The following KALRN variants were observed in gnomAD, a reference collection of about 807,000 sequenced individuals.
KALRN encodes kalirin RhoGEF kinase, also known as kalirin.
KALRN carries 70 observed loss-of-function variants against 353.7 expected under a neutral mutation model. The ratio of observed to expected loss-of-function variants is 0.20; its 90% CI spans 0.16 to 0.24. The LOEUF (loss-of-function observed/expected upper bound fraction) is 0.24. Ranked by LOEUF, KALRN falls within the 10% of genes least tolerant of loss-of-function variation. The probability of loss-of-function intolerance (pLI) is 1.00; values close to 1 mark genes in which losing one functional copy is unlikely to be tolerated. For synonymous variants in KALRN, 1,391 were observed against 1,434.8 expected (o/e 0.97, Z 0.69); for missense variants, 2,791 against 3,756.7 (o/e 0.74, Z 6.72).
In KALRN at chr3:124,603,074, G is replaced by A. The variant is rs552347694; in HGVS notation, c.5183-29346G>A. ...ACTTCCAGAAGCAGCCTTTTCTTGT[G>A]GGGTATTATTTTTATTTGCATATGT... On this transcript the variant is annotated intron_variant, in intron 34 of 59. Coordinates refer to ENST00000682506, the MANE Select transcript of KALRN (RefSeq NM_001388419.1). Among the ~76,000 whole-genome samples the A allele has an allele frequency of 6.8e-4, 104 of 152,154 alleles. 1 individual carries two copies. The highest frequency in any genetic ancestry group is 1.8e-4 in the Non-Finnish European group (12 of 68,010).
At chr3:124,440,006 A>G (rs1362448825) in intron 18 of KALRN, among the ~76,000 whole-genome samples, 13 of 152,116 alleles carry the variant, frequency 8.5e-5, no homozygotes, top group Admixed American at 8.5e-4. Context: ...TTCTTTTATT[A>G]GGGATTTTCT....
intron 57 of KALRN, among the ~76,000 whole-genome samples, chr3:124,707,454 C>G (rs1263019592): frequency 6.6e-6 from 1 of 151,050 alleles, no homozygotes; most frequent in Non-Finnish European, 1.5e-5. Context: ...TCCCTCCTTC[C>G]TTCCTTCCCT....
At chr3:124,368,739 G>A (rs1191646272) in intron 10 of KALRN, among the ~76,000 whole-genome samples, 198 of 150,272 alleles carry the variant, frequency 1.3e-3, no homozygotes, top group Non-Finnish European at 2.4e-3. Context: ...GTAGTGAGCC[G>A]AGATCACGCC....
At chr3:124,087,207 C>A (rs929805553) in intron 1 of KALRN, among the ~76,000 whole-genome samples, 1 of 152,076 alleles carries the variant, frequency 6.6e-6, no homozygotes, top group South Asian at 2.1e-4. Flanking sequence ...AGGCTTTAAA[C>A]GTATTTTCTT....
At chr3:124,424,181 C>T (rs974390393) in intron 15 of KALRN, among the ~76,000 whole-genome samples, 1 of 152,180 alleles carries the variant, frequency 6.6e-6, no homozygotes, top group Admixed American at 6.5e-5. Context: ...GGGCAGGTAC[C>T]ACATCACTCC....
intron 50 of KALRN, 63 bp downstream of exon 50, chr3:124,678,376 C>T (rs2087434034): frequency 6.4e-7 from 1 of 1,568,498 alleles, no homozygotes; most frequent in Non-Finnish European, 8.7e-7. Context: ...GCAGCATTCT[C>T]ACAAGCCAAT....
chr3:124,488,606 G>C (rs985833174), intron 29 of KALRN: 4 of 310,418 alleles, frequency 1.3e-5, no homozygotes, highest in African/African-American at 6.3e-5. Flanking sequence ...TGATGTGCTA[G>C]AGCTTCCAAC....
intron 1 of KALRN, among the ~76,000 whole-genome samples, chr3:124,108,724 G>C (rs554828904): frequency 6.6e-6 from 1 of 152,278 alleles, no homozygotes; most frequent in East Asian, 1.9e-4. Flanking sequence ...GAACCAAGTT[G>C]AACATGTAGT....
At chr3:124,524,528 C>A (rs1224186744) in intron 33 of KALRN, among the ~76,000 whole-genome samples, 1 of 152,070 alleles carries the variant, frequency 6.6e-6, no homozygotes, top group East Asian at 1.9e-4. Flanking sequence ...GCTTTAGACT[C>A]CAAAGTGTGC....
Position 124,502,037 on chromosome 3 carries a change from C to T in KALRN, c.4935+5624C>T, listed in dbSNP as rs141606953. On this transcript the variant is annotated intron_variant, in intron 33 of 59. Transcript: ENST00000682506. ...GAATTAGATGTAAGACATTATTTTC[C>T]CTGTAGGGATTAGTGCTTATGGAGG... Among the ~76,000 whole-genome samples the T allele has an allele frequency of 9.0e-4, 137 of 152,256 alleles. 1 individual carries two copies. Among genetic ancestry groups the T allele is most frequent in the Admixed American group, 7.5e-3 (114 of 15,298 alleles).
At chr3:124,580,832 G>A (rs1283578044) in intron 34 of KALRN, among the ~76,000 whole-genome samples, 1 of 152,086 alleles carries the variant, frequency 6.6e-6, no homozygotes, top group Non-Finnish European at 1.5e-5. Flanking sequence ...TGATGGCCAG[G>A]TGTGGTGGCT....
At chr3:124,664,370 TGC>T (rs1553719790) in intron 45 of KALRN, among the ~76,000 whole-genome samples, 5,965 of 129,482 alleles carry the variant, frequency 0.046, 319 homozygotes, top group East Asian at 0.26. Flanking sequence ...TGTGTGTGTG[TGC>T]GCGCGCGCGC....
At chr3:124,300,731 A>T (rs1029310308) in intron 6 of KALRN, among the ~76,000 whole-genome samples, 1 of 152,196 alleles carries the variant, frequency 6.6e-6, no homozygotes, top group Non-Finnish European at 1.5e-5. Flanking sequence ...ACATCATGAG[A>T]CTTGCATAGA....
At chr3:124,259,668 G>A (rs562671041) in intron 3 of KALRN, among the ~76,000 whole-genome samples, 35 of 152,278 alleles carry the variant, frequency 2.3e-4, no homozygotes, top group African/African-American at 8.4e-4. Flanking sequence ...ACCAGGCACT[G>A]TAGTAGGCAC....
At chr3:124,489,130 A>G (rs763849619) in intron 29 of KALRN, among the ~76,000 whole-genome samples, 4 of 152,150 alleles carry the variant, frequency 2.6e-5, no homozygotes, top group Non-Finnish European at 4.4e-5. Context: ...AACATGGCGA[A>G]ACCCCGTCTC....
At chr3:124,674,206 G>A (rs1419165984) in intron 48 of KALRN, among the ~76,000 whole-genome samples, 158 bp from the exon 49 acceptor site, 1 of 152,176 alleles carries the variant, frequency 6.6e-6, no homozygotes, top group Non-Finnish European at 1.5e-5. Context: ...TTCAGAGCAT[G>A]TTTATTAATA....
intron 26 of KALRN, among the ~76,000 whole-genome samples, chr3:124,476,782 C>CAA (rs2061471636): frequency 1.3e-5 from 2 of 152,162 alleles, no homozygotes; most frequent in African/African-American, 2.4e-5. Flanking sequence ...TGCCCCTCAA[C>CAA]CTTTCTCCAA....
At chr3:124,686,298 C>T (rs1263081142) in intron 51 of KALRN, among the ~76,000 whole-genome samples, 2 of 152,168 alleles carry the variant, frequency 1.3e-5, no homozygotes, top group African/African-American at 4.8e-5. Context: ...GTGCTGAGCT[C>T]CCAACAACAT....
At chr3:124,385,923 A>G (rs1242713593) in intron 11 of KALRN, among the ~76,000 whole-genome samples, 2 of 151,992 alleles carry the variant, frequency 1.3e-5, no homozygotes, top group Non-Finnish European at 2.9e-5. Context: ...TCCCTTTAAT[A>G]GAGTATTAAT....
Sources: gnomAD v4.1 joint callset for allele counts (sites outside exome capture counted in the v4.1 genomes callset) on GRCh38, gnomAD v4.1.1 for gene constraint, MANE v1.5 for transcripts, NCBI Gene and HGNC (gene_info 2026-07-23, HGNC 2026-07-21) for gene names.